The following FSTL5 variants were observed in gnomAD, a reference collection of about 807,000 sequenced individuals.
The protein encoded by FSTL5 is follistatin like 5, also known as follistatin-related protein 5.
Under a neutral mutation model 89.1 loss-of-function variants are expected in FSTL5, and 62 were observed. The ratio of observed to expected loss-of-function variants is 0.70; its 90% CI spans 0.57 to 0.86. The LOEUF is 0.86. Among genes scored for constraint, FSTL5 ranks in the 40% least tolerant of loss-of-function variants. The probability of loss-of-function intolerance (pLI) is 0.00; values close to 1 mark genes in which losing one functional copy is unlikely to be tolerated. For synonymous variants in FSTL5, 383 were observed against 346.2 expected (o/e 1.11, Z -1.18); for missense variants, 1,057 against 1,001.6 (o/e 1.06, Z -0.75).
intron 15 of FSTL5, among the ~76,000 whole-genome samples, chr4:161,422,649 C>T (rs1395235635): frequency 1.3e-5 from 2 of 152,168 alleles, no homozygotes; most frequent in African/African-American, 4.8e-5. Flanking sequence ...TTTCTTCTAG[C>T]AGACTGTGTG....
At chr4:161,845,744 T>C (rs1731346203) in intron 4 of FSTL5, among the ~76,000 whole-genome samples, 2 of 152,160 alleles carry the variant, frequency 1.3e-5, no homozygotes, top group Admixed American at 6.6e-5. Flanking sequence ...TTAAGTGTTT[T>C]ATCTGACGTC....
intron 2 of FSTL5, among the ~76,000 whole-genome samples, chr4:162,038,608 T>C (rs1217447488): frequency 6.6e-6 from 1 of 151,864 alleles, no homozygotes; most frequent in African/African-American, 2.4e-5. Flanking sequence ...GTCTTTTAAC[T>C]GGGCTGAATG....
In FSTL5 at chr4:162,100,010, A is replaced by G. The variant is rs149266411; in HGVS notation, c.126+11261T>C. Among the ~76,000 whole-genome samples, 169 of 152,322 alleles carry G rather than the reference A, an allele frequency of 1.1e-3. 1 individual carries two copies. The highest frequency in any genetic ancestry group is 3.8e-3 in the African/African-American group (160 of 41,570). On this transcript the variant is annotated intron_variant, in intron 2 of 15. Transcript: ENST00000306100. The stretch of plus-strand genomic sequence containing the variant: ...CAGCCACTGTAGAATACAGTTTGGC[A>G]GTTTCTTACAAAACTAAACATATGT...
In FSTL5 at chr4:162,163,694, C is replaced by T. The variant is rs1733784198; in HGVS notation, c.-96G>A. On this transcript the variant is annotated 5_prime_UTR_variant, in exon 1 of 16. Coordinates refer to ENST00000306100, the MANE Select transcript of FSTL5 (RefSeq NM_020116.5). ...TATAAATCACAATAAAAAAAAAAAA[C>T]TCTCAAAAGATCGTCTTAGCTGGGG... 1 of 149,170 alleles carries T rather than the reference C, an allele frequency of 6.7e-6. No individual in the cohort carries two copies. Among genetic ancestry groups the T allele is most frequent in the South Asian group, 2.1e-4 (1 of 4,678 alleles). 9.2% of individuals were successfully genotyped at this position (149,170 alleles called of 1,614,324 possible).
intron 6 of FSTL5, among the ~76,000 whole-genome samples, chr4:161,749,327 T>C (rs1740314805): frequency 6.6e-6 from 1 of 152,136 alleles, no homozygotes; most frequent in South Asian, 2.1e-4. Context: ...GGTACATATA[T>C]ACCGTGAAAT....
At chr4:162,025,251 G>A (rs570324894) in intron 3 of FSTL5, among the ~76,000 whole-genome samples, 6 of 152,088 alleles carry the variant, frequency 3.9e-5, no homozygotes, top group South Asian at 2.1e-4. Context: ...ATAATGATTC[G>A]ACATAGAAGT....
intron 4 of FSTL5, among the ~76,000 whole-genome samples, chr4:161,871,492 C>A (rs576162045): frequency 2.0e-5 from 3 of 152,082 alleles, no homozygotes; most frequent in South Asian, 4.1e-4. Flanking sequence ...CAAAAAGCAA[C>A]CCGGCAAACC....
chr4:162,065,746 G>T (rs949870012), intron 2 of FSTL5, among the ~76,000 whole-genome samples: 7 of 151,812 alleles, frequency 4.6e-5, no homozygotes, highest in Non-Finnish European at 8.8e-5. Context: ...ATATCTAAAA[G>T]AAATATCTTC....
At chr4:161,546,024 C>G (rs1415462130) in intron 8 of FSTL5, among the ~76,000 whole-genome samples, 1 of 151,518 alleles carries the variant, frequency 6.6e-6, no homozygotes, top group African/African-American at 2.4e-5. Context: ...ATTTAGGAAG[C>G]TATAAAACAT....
intron 15 of FSTL5, among the ~76,000 whole-genome samples, chr4:161,416,621 G>GA (rs1731793263): frequency 6.6e-6 from 1 of 152,090 alleles, no homozygotes; most frequent in African/African-American, 2.4e-5. Flanking sequence ...CAGGTGGGGG[G>GA]ATCACAAGAT....
At chr4:161,499,882 C>T (rs943542657) in intron 12 of FSTL5, 134 bp downstream of exon 12, 1 of 622,870 alleles carries the variant, frequency 1.6e-6, no homozygotes, top group African/African-American at 1.9e-5. Flanking sequence ...AGAATAACAC[C>T]GAATATCATG....
At chr4:162,017,878 T>G (rs921934079) in intron 3 of FSTL5, among the ~76,000 whole-genome samples, 6 of 152,198 alleles carry the variant, frequency 3.9e-5, no homozygotes, top group Non-Finnish European at 7.4e-5. Context: ...TTTACCTTTC[T>G]TAGATCATAT....
chr4:161,574,065 G>C (rs1278831814), intron 8 of FSTL5, among the ~76,000 whole-genome samples: 5 of 152,036 alleles, frequency 3.3e-5, no homozygotes, highest in African/African-American at 7.2e-5. Context: ...CTTTTGCTCT[G>C]TTATCACATA....
chr4:161,972,580 G>A (rs1447583968), intron 3 of FSTL5, among the ~76,000 whole-genome samples: 1 of 152,102 alleles, frequency 6.6e-6, no homozygotes, highest in Admixed American at 6.6e-5. Context: ...TAGTGGAACA[G>A]GCCCCAGAGC....
intron 3 of FSTL5, among the ~76,000 whole-genome samples, chr4:161,972,626 G>A (rs936087530): frequency 2.6e-5 from 4 of 152,120 alleles, no homozygotes; most frequent in African/African-American, 7.2e-5. Context: ...AACCAACTGA[G>A]CCAGTAAGTG....
chr4:161,614,931 A>G (rs902339138), intron 7 of FSTL5, among the ~76,000 whole-genome samples: 1 of 152,166 alleles, frequency 6.6e-6, no homozygotes, highest in Non-Finnish European at 1.5e-5. Flanking sequence ...CAAATAGAAA[A>G]ATTCATTGAG....
intron 6 of FSTL5, among the ~76,000 whole-genome samples, chr4:161,702,262 C>T (rs2126730759): frequency 6.6e-6 from 1 of 152,226 alleles, no homozygotes; most frequent in East Asian, 1.9e-4. Flanking sequence ...TTAAGGTCTG[C>T]ATGAAGATGA....
At chr4:161,611,162 ATATATATGTGTATATATG>A (rs1037415620) in intron 7 of FSTL5, among the ~76,000 whole-genome samples, 4 of 147,640 alleles carry the variant, frequency 2.7e-5, no homozygotes, top group Admixed American at 6.8e-5. Context: ...GTGTGTGTAT[ATATATATGTGTATATATG>A]TATATATGTG....
At chr4:161,852,923 G>A (rs1731601641) in intron 4 of FSTL5, among the ~76,000 whole-genome samples, 1 of 152,124 alleles carries the variant, frequency 6.6e-6, no homozygotes, top group Non-Finnish European at 1.5e-5. Flanking sequence ...GATCTGTGCA[G>A]CAAACCACGA....
Sources: gnomAD v4.1 joint callset for allele counts (sites outside exome capture counted in the v4.1 genomes callset) on GRCh38, gnomAD v4.1.1 for gene constraint, MANE v1.5 for transcripts, NCBI Gene and HGNC (gene_info 2026-07-23, HGNC 2026-07-21) for gene names.